Variants in BNC1 observed in about 807,000 individuals in gnomAD.
The protein encoded by BNC1 is zinc finger protein basonuclin-1.
BNC1 carries 8 observed loss-of-function variants against 66.5 expected under a neutral mutation model. The observed-to-expected ratio is 0.12, with a 90% CI of 0.07 to 0.22. The LOEUF (loss-of-function observed/expected upper bound fraction) is 0.22. Ranked by LOEUF, BNC1 falls within the 10% of genes least tolerant of loss-of-function variation. BNC1 has a pLI of 1.00. For synonymous variants in BNC1, 454 were observed against 452.6 expected (o/e 1.00, Z -0.04); for missense variants, 1,069 against 1,241.3 (o/e 0.86, Z 2.09).
At position 83,264,837 on chromosome 15, in the gene BNC1, G is replaced by T. The variant is rs563186420; in HGVS notation, c.436-22C>A. On this transcript the variant is annotated intron_variant, in intron 3 of 4. Coordinates refer to ENST00000345382, the MANE Select transcript of BNC1 (RefSeq NM_001717.4). ...CATCCTAAACCCAAACCAGATGTTA[G>T]AAGTGTGATCAATTTACAACTCCTT... 5.0e-6 allele frequency: 8 copies of T among 1,601,604 alleles called. No homozygotes were observed. The Middle Eastern group carries it at 1.2e-3, about 234-fold the overall frequency.
intron 1 of BNC1, among the ~76,000 whole-genome samples, chr15:83,281,660 A>G (rs1285326715): frequency 6.6e-6 from 1 of 152,264 alleles, no homozygotes; most frequent in African/African-American, 2.4e-5. Context: ...CACATACAGA[A>G]GCTAAAAGAC....
chr15:83,284,252 C>T (rs1437756648), intron 1 of BNC1, among the ~76,000 whole-genome samples: 1 of 152,086 alleles, frequency 6.6e-6, no homozygotes, highest in East Asian at 1.9e-4. Context: ...CCCGCCGGCA[C>T]CTCCGACGCG....
At chr15:83,282,116 A>G (rs1169360056) in intron 1 of BNC1, among the ~76,000 whole-genome samples, 4 of 152,242 alleles carry the variant, frequency 2.6e-5, no homozygotes, top group African/African-American at 9.6e-5. Flanking sequence ...ACTAGTCTGA[A>G]GGGACACTAT....
chr15:83,270,744 G>C (rs1329608809), intron 1 of BNC1, among the ~76,000 whole-genome samples: 1 of 152,108 alleles, frequency 6.6e-6, no homozygotes, highest in Non-Finnish European at 1.5e-5. Context: ...TGCATTACCA[G>C]ATATATGATT....
chr15:83,283,810 T>C (rs1806466340), intron 1 of BNC1, among the ~76,000 whole-genome samples: 1 of 152,222 alleles, frequency 6.6e-6, no homozygotes, highest in South Asian at 2.1e-4. Context: ...CCGCACACGG[T>C]CAACGCTCGG....
intron 4 of BNC1, among the ~76,000 whole-genome samples, chr15:83,260,158 G>A (rs771856883): frequency 6.6e-6 from 1 of 152,110 alleles, no homozygotes; most frequent in Non-Finnish European, 1.5e-5. Context: ...AGTGAACAGT[G>A]GAGTTTTTCA....
chr15:83,282,873 C>T (rs2038393574), intron 1 of BNC1, among the ~76,000 whole-genome samples: 2 of 152,206 alleles, frequency 1.3e-5, no homozygotes, highest in Admixed American at 6.5e-5. Flanking sequence ...CCCTCACACA[C>T]ACACTCTCTC....
At chr15:83,271,660 A>G (rs7172590) in intron 1 of BNC1, among the ~76,000 whole-genome samples, 31,627 of 152,174 alleles carry the variant, frequency 0.21, 3,463 homozygotes, top group Admixed American at 0.23. Flanking sequence ...ACATAAACCT[A>G]TATCGCAATG....
At chr15:83,259,070 G>GC (rs2038115110) in intron 4 of BNC1, among the ~76,000 whole-genome samples, 1 of 152,132 alleles carries the variant, frequency 6.6e-6, no homozygotes, top group Non-Finnish European at 1.5e-5. Flanking sequence ...CAGAAGTTTT[G>GC]CAAATGCAGC....
chr15:83,261,048 A>C (rs2038134397), intron 4 of BNC1, among the ~76,000 whole-genome samples: 1 of 152,252 alleles, frequency 6.6e-6, no homozygotes, highest in Non-Finnish European at 1.5e-5. Flanking sequence ...GAAAAAATAA[A>C]TATCAAATGA....
chr15:83,284,418 G>C, intron 1 of BNC1, 112 bp downstream of exon 1: 1 of 633,848 alleles, frequency 1.6e-6, no homozygotes, highest in Non-Finnish European at 2.0e-6. Context: ...TAGCCAGCTG[G>C]CCCTCGGGAG....
In BNC1 at chr15:83,257,656, G is replaced by A. The variant is rs764840209; in HGVS notation, c.2771C>T (p.Ser924Phe). ...KADQSLASLP[S>F]GLPITCHLCQ... ...GAGATGACAGGTTATGGGCAACCCA[G>A]AAGGCAGGCTAGCAAGGCTCTGGTC... Residue 924 changes from serine (S) to phenylalanine (F), a missense_variant, in exon 5 of 5, where the codon TCT becomes TTT. Around this residue, in one of 7 missense-constraint regions of BNC1, gnomAD observed 657 missense variants for 715.8 expected, o/e 0.92. Transcript: ENST00000345382. The A allele has an allele frequency of 1.9e-6, 3 of 1,614,154 alleles. No homozygotes were observed. The highest frequency in any genetic ancestry group is 1.7e-6 in the Non-Finnish European group (2 of 1,180,030).
intron 1 of BNC1, chr15:83,283,588 G>A: frequency 3.4e-6 from 3 of 871,530 alleles, no homozygotes; most frequent in Non-Finnish European, 2.8e-6. Flanking sequence ...AACCCCTGAA[G>A]GAAGCGGCAG....
intron 1 of BNC1, among the ~76,000 whole-genome samples, chr15:83,278,288 A>C (rs1426683249): frequency 6.6e-6 from 1 of 152,232 alleles, no homozygotes; most frequent in African/African-American, 2.4e-5. Context: ...TAAAGCATCT[A>C]CTATGTACTT....
chr15:83,277,349 G>A (rs1403905509), intron 1 of BNC1, among the ~76,000 whole-genome samples: 5 of 151,776 alleles, frequency 3.3e-5, no homozygotes, highest in Admixed American at 1.3e-4. Context: ...TGGCTCTGTC[G>A]CCCAGGCTGG....
At position 83,257,007 on chromosome 15, in the gene BNC1, G is replaced by C. The variant is rs2038080936; in HGVS notation, c.*435C>G. On this transcript the variant is annotated 3_prime_UTR_variant, in exon 5 of 5. Coordinates refer to ENST00000345382, the MANE Select transcript of BNC1 (RefSeq NM_001717.4). ...TTTCAAACTAATTGAAGAAGGAACT[G>C]AAAATGCTGTTTTGGGGACTGGTAT... 1 of 159,666 alleles carries C rather than the reference G, an allele frequency of 6.3e-6. No individual in the cohort carries two copies. Among genetic ancestry groups the C allele is most frequent in the African/African-American group, 2.5e-5 (1 of 39,904 alleles). 9.9% of individuals were successfully genotyped at this position (159,666 alleles called of 1,614,324 possible).
At position 83,263,931 on chromosome 15, in the gene BNC1, G is replaced by A; in HGVS notation, c.1320C>T (p.Cys440=). The A allele has an allele frequency of 3.1e-6, 5 of 1,614,178 alleles. No individual in the cohort carries two copies. The highest frequency in any genetic ancestry group is 2.2e-5 in the East Asian group (1 of 44,876). The change falls in exon 4 of 5, where the codon TGC becomes TGT. Residue 440 remains cysteine (C), a synonymous_variant. Transcript: ENST00000345382. ...CTGGGGACGTCACTGTGAAACCTGG[G>A]CACTTGTAGTTCTCAGAGCTGGCCA... ...LNLASSENYK[C]PGFTVTSPDC... is the part of the protein sequence containing the mutation.
intron 1 of BNC1, among the ~76,000 whole-genome samples, chr15:83,270,170 C>T (rs763950731): frequency 1.3e-5 from 2 of 152,136 alleles, no homozygotes; most frequent in South Asian, 2.1e-4. Context: ...ACAGCTTTAT[C>T]GAGATACAAT....
intron 4 of BNC1, among the ~76,000 whole-genome samples, chr15:83,261,411 T>C (rs2038139035): frequency 2.6e-5 from 4 of 152,254 alleles, no homozygotes; most frequent in Admixed American, 2.6e-4. Context: ...AAATTAGGCA[T>C]TACAACTTGG....
Sources: allele counts gnomAD v4.1 joint callset (sites outside exome capture counted in the v4.1 genomes callset), GRCh38; gene constraint gnomAD v4.1.1; regional missense constraint gnomAD v4.1.1; transcripts MANE v1.5; gene names NCBI Gene and HGNC (gene_info 2026-07-23, HGNC 2026-07-21).